Variants in ARHGAP26 observed in about 807,000 individuals in gnomAD.
ARHGAP26 encodes the protein rho GTPase-activating protein 26.
A neutral mutation model predicts 104.8 loss-of-function variants in ARHGAP26; 38 were observed. The ratio of observed to expected loss-of-function variants is 0.36; its 90% confidence interval spans 0.28 to 0.48. The LOEUF (loss-of-function observed/expected upper bound fraction) is 0.48. Ranked by LOEUF, ARHGAP26 falls within the 20% of genes least tolerant of loss-of-function variation. ARHGAP26 has a pLI of 0.99. For synonymous variants in ARHGAP26, 341 were observed against 340.0 expected (o/e 1.00, Z -0.03); for missense variants, 704 against 947.9 (o/e 0.74, Z 3.38).
intron 20 of ARHGAP26, among the ~76,000 whole-genome samples, chr5:143,200,192 G>A (rs538943422): frequency 1.3e-5 from 2 of 152,310 alleles, no homozygotes; most frequent in South Asian, 4.1e-4. Context: ...CTCAATGTTG[G>A]TGGGGTAATG....
chr5:143,056,777 C>T (rs1598831075), intron 16 of ARHGAP26, among the ~76,000 whole-genome samples: 2 of 152,272 alleles, frequency 1.3e-5, no homozygotes, highest in African/African-American at 4.8e-5. Flanking sequence ...TTGTGTCTCT[C>T]CCGGGTTCCT....
intron 1 of ARHGAP26, among the ~76,000 whole-genome samples, chr5:142,786,533 A>G (rs1409856357): frequency 6.6e-6 from 1 of 152,116 alleles, no homozygotes; most frequent in Non-Finnish European, 1.5e-5. Flanking sequence ...TCCTGGCCTC[A>G]AATGATCTTC....
chr5:143,214,901 C>T lies in ARHGAP26; in HGVS notation c.2191+813C>T, dbSNP rs564242812. Reference sequence around the variant, plus strand: ...CGTTCTCAAAGCCTCAAGCACTGTCCTTAAGCCTTTGCTCCATTAACTTTC... The same window carrying T: ...CGTTCTCAAAGCCTCAAGCACTGTCTTTAAGCCTTTGCTCCATTAACTTTC... On this transcript the variant is annotated intron_variant, in intron 22 of 22. Transcript: ENST00000645722. Among the ~76,000 whole-genome samples, 5 of 152,366 alleles carry T rather than the reference C, an allele frequency of 3.3e-5. No homozygotes were observed. In the South Asian group the frequency reaches 1.0e-3, roughly 32 times the overall value.
At chr5:143,081,420 A>G (rs564969893) in intron 17 of ARHGAP26, among the ~76,000 whole-genome samples, 1 of 152,306 alleles carries the variant, frequency 6.6e-6, no homozygotes, top group African/African-American at 2.4e-5. Flanking sequence ...TGGGGAATAT[A>G]TTACTTGGTT....
intron 1 of ARHGAP26, among the ~76,000 whole-genome samples, chr5:142,781,263 C>G (rs867011986): frequency 4.1e-4 from 63 of 152,250 alleles, no homozygotes; most frequent in African/African-American, 1.4e-3. Context: ...CCTCACCACC[C>G]TTTATTTACT....
At chr5:142,998,471 G>A (rs1776732283) in intron 11 of ARHGAP26, among the ~76,000 whole-genome samples, 1 of 152,194 alleles carries the variant, frequency 6.6e-6, no homozygotes, top group African/African-American at 2.4e-5. Flanking sequence ...ACTGGGCTTA[G>A]TCCACTTGGT....
In ARHGAP26 at chr5:143,012,577, T is replaced by TATACATACATATATATATATATA. The variant is rs1554195775; in HGVS notation, c.1108-1501_1108-1500insACATACATATATATATATATAAT. Among the ~76,000 whole-genome samples the TATACATACATATATATATATATA allele has an allele frequency of 2.6e-4, 5 of 19,088 alleles. 1 individual carries two copies. Among genetic ancestry groups the TATACATACATATATATATATATA allele is most frequent in the African/African-American group, 5.3e-4 (5 of 9,356 alleles). 12.5% of individuals were successfully genotyped at this position (19,088 alleles called of 152,430 possible). A position where few individuals can be genotyped will look rare whatever the true frequency, so the allele number is the denominator to read the frequency against. On this transcript the variant is annotated intron_variant, in intron 11 of 22. Coordinates refer to ENST00000645722, the MANE Select transcript of ARHGAP26 (RefSeq NM_001135608.3). ...CATATATATATATATATATATATAT[T>TATACATACATATATATATATATA]ATGATCAGGTTCACCTTATGCCTTT...
chr5:143,162,284 T>TAC (rs34577770), intron 20 of ARHGAP26, among the ~76,000 whole-genome samples: 9,336 of 147,304 alleles, frequency 0.063, 831 homozygotes, highest in African/African-American at 0.2. Flanking sequence ...AACACACACA[T>TAC]ACACACACAC....
intron 21 of ARHGAP26, among the ~76,000 whole-genome samples, chr5:143,209,564 C>T (rs143316029): frequency 1.7e-4 from 26 of 152,122 alleles, no homozygotes; most frequent in South Asian, 1.0e-3. Context: ...GGAGATCACC[C>T]GAGGTGAGGA....
At chr5:143,138,069 C>A (rs1798095311) in intron 19 of ARHGAP26, among the ~76,000 whole-genome samples, 1 of 152,160 alleles carries the variant, frequency 6.6e-6, no homozygotes, top group Admixed American at 6.5e-5. Flanking sequence ...TGTGAGTAGA[C>A]CAGTTGTGTG....
chr5:143,098,602 A>G (rs929965534), intron 17 of ARHGAP26, among the ~76,000 whole-genome samples: 2 of 152,228 alleles, frequency 1.3e-5, no homozygotes, highest in Admixed American at 6.5e-5. Context: ...GTGGGTAGAC[A>G]TGATAGGAAA....
At chr5:143,219,124 CCTG>C (rs1810796872) in intron 22 of ARHGAP26, among the ~76,000 whole-genome samples, 3 of 152,206 alleles carry the variant, frequency 2.0e-5, no homozygotes, top group Non-Finnish European at 4.4e-5. Flanking sequence ...TAAATAGAGG[CCTG>C]ATACAGTGGG....
At chr5:143,207,154 T>C (rs1044645690) in intron 20 of ARHGAP26, 44 bp from the exon 21 acceptor site, 1 of 1,593,516 alleles carries the variant, frequency 6.3e-7, no homozygotes, top group Non-Finnish European at 8.6e-7. Flanking sequence ...CCCATTGTGG[T>C]TTCCCTGTGT....
rs1428291780 is a variant in ARHGAP26 at position 143,079,346 on chromosome 5, C to T, written c.1538+21599C>T. Among the ~76,000 whole-genome samples, 5 of 152,332 alleles carry T rather than the reference C, an allele frequency of 3.3e-5. No homozygotes were observed. The East Asian group carries it at 9.6e-4, about 29-fold the overall frequency. On this transcript the variant is annotated intron_variant, in intron 17 of 22. Transcript: ENST00000645722. ...AGAGCAGAAACCTCCCCATTTTTCT[C>T]CTTCTCTGTTTCCAGCGTCCTCTAT...
chr5:142,962,145 C>T (rs1770360754), intron 11 of ARHGAP26, among the ~76,000 whole-genome samples: 1 of 152,322 alleles, frequency 6.6e-6, no homozygotes, highest in Admixed American at 6.5e-5. Context: ...AACTCTACGC[C>T]TGTCTTCTAC....
At chr5:143,116,824 T>A (rs1230166914) in intron 17 of ARHGAP26, among the ~76,000 whole-genome samples, 2 of 152,168 alleles carry the variant, frequency 1.3e-5, no homozygotes, top group African/African-American at 4.8e-5. Context: ...TGAATCCAGT[T>A]CATGCGGGAA....
chr5:142,842,961 G>A (rs965315763), intron 1 of ARHGAP26, among the ~76,000 whole-genome samples: 10 of 152,146 alleles, frequency 6.6e-5, no homozygotes, highest in Non-Finnish European at 1.3e-4. Context: ...TCGACTTCTT[G>A]TAGGGATGTA....
At chr5:143,046,672 A>G (rs1392834457) in intron 14 of ARHGAP26, among the ~76,000 whole-genome samples, 2 of 152,226 alleles carry the variant, frequency 1.3e-5, no homozygotes, top group Non-Finnish European at 2.9e-5. Context: ...AAGTAAAGAT[A>G]AATCTTTCCA....
chr5:142,854,624 A>C (rs1441523842), intron 1 of ARHGAP26, among the ~76,000 whole-genome samples: 1 of 152,208 alleles, frequency 6.6e-6, no homozygotes, highest in African/African-American at 2.4e-5. Context: ...TGGAGATTAA[A>C]AGTTATTCTT....
Sources: gnomAD v4.1 joint callset for allele counts (sites outside exome capture counted in the v4.1 genomes callset) on GRCh38, gnomAD v4.1.1 for gene constraint, MANE v1.5 for transcripts, NCBI Gene and HGNC (gene_info 2026-07-23, HGNC 2026-07-21) for gene names.